TENM2: variants seen among roughly 807,000 people sequenced by gnomAD.
TENM2 encodes the protein teneurin transmembrane protein 2.
In TENM2, 52 loss-of-function variants were observed where a neutral mutation model predicts 245.2. The ratio of observed to expected loss-of-function variants is 0.21; its 90% CI spans 0.17 to 0.27. The LOEUF (loss-of-function observed/expected upper bound fraction) is 0.27. Among genes scored for constraint, TENM2 ranks in the 10% least tolerant of loss-of-function variants. The pLI is 1.00. For missense variants in TENM2, 3,046 were observed against 3,666.8 expected (o/e 0.83, Z 4.37); for synonymous variants, 1,363 against 1,438.9 (o/e 0.95, Z 1.19).
intron 2 of TENM2, among the ~76,000 whole-genome samples, chr5:167,845,265 AC>A (rs1769937083): frequency 1.5e-5 from 2 of 137,668 alleles, no homozygotes; most frequent in African/African-American, 2.8e-5. Flanking sequence ...ACACACACAC[AC>A]ACACACACAC....
intron 2 of TENM2, among the ~76,000 whole-genome samples, chr5:167,802,913 C>T (rs1246562273): frequency 6.6e-6 from 1 of 152,128 alleles, no homozygotes; most frequent in African/African-American, 2.4e-5. Context: ...CAAATCTTAA[C>T]TTGTGTGAGT....
At chr5:167,599,713 A>G (rs2127724825) in intron 2 of TENM2, among the ~76,000 whole-genome samples, 1 of 152,088 alleles carries the variant, frequency 6.6e-6, no homozygotes, top group East Asian at 1.9e-4. Flanking sequence ...TATTTGATTG[A>G]TTTTGTGTTG....
intron 2 of TENM2, among the ~76,000 whole-genome samples, chr5:167,737,809 T>A (rs1201706503): frequency 6.6e-6 from 1 of 152,214 alleles, no homozygotes; most frequent in Non-Finnish European, 1.5e-5. Flanking sequence ...GTTCTTTGTC[T>A]CACACTAGGA....
At chr5:167,285,039 G>A in exon 1 of TENM2, 1 of 1,552,116 alleles carries the variant, frequency 6.4e-7, no homozygotes, top group Non-Finnish European at 8.7e-7. Flanking sequence ...CATCCACCGG[G>A]AGTCAGATGA....
chr5:167,312,997 G>T (rs1251270888), intron 1 of TENM2, among the ~76,000 whole-genome samples: 5 of 151,038 alleles, frequency 3.3e-5, no homozygotes, highest in Admixed American at 3.3e-4. Context: ...CTGCTTCCTG[G>T]GTTCAAGCAA....
intron 12 of TENM2, among the ~76,000 whole-genome samples, chr5:168,147,185 G>A (rs1756168858): frequency 6.6e-6 from 1 of 152,172 alleles, no homozygotes; most frequent in Non-Finnish European, 1.5e-5. Flanking sequence ...TTCAGAGTTA[G>A]CGTTCTCGCA....
At chr5:167,770,506 G>A (rs1383109982) in intron 2 of TENM2, among the ~76,000 whole-genome samples, 1 of 152,114 alleles carries the variant, frequency 6.6e-6, no homozygotes, top group African/African-American at 2.4e-5. Flanking sequence ...ACTGATATTC[G>A]TTTTCCAATG....
At chr5:167,776,111 C>T (rs1303467104) in intron 2 of TENM2, among the ~76,000 whole-genome samples, 1 of 126,840 alleles carries the variant, frequency 7.9e-6, no homozygotes, top group Non-Finnish European at 1.6e-5. Flanking sequence ...AAGAAGCTTA[C>T]AAAATAATAT....
chr5:167,130,886 T>G, the TENM2 span, among the ~76,000 whole-genome samples: 1 of 142,422 alleles, frequency 7.0e-6, no homozygotes, highest in Admixed American at 7.0e-5. Flanking sequence ...CAGTGTTAAA[T>G]GCTTTTTTTT....
intron 13 of TENM2, among the ~76,000 whole-genome samples, chr5:168,167,922 C>T (rs1243259648): frequency 6.6e-6 from 1 of 152,218 alleles, no homozygotes; most frequent in Non-Finnish European, 1.5e-5. Flanking sequence ...GATGCCCTCA[C>T]ACGTTGGCTG....
rs186357790 is a variant in TENM2, at chr5:167,388,270, C to T, written c.502+12797C>T. Among the ~76,000 whole-genome samples the T allele has an allele frequency of 3.8e-3, 581 of 152,132 alleles. 8 individuals are homozygous for T. Among genetic ancestry groups the T allele is most frequent in the Non-Finnish European group, 3.1e-3 (210 of 67,976 alleles). On this transcript the variant is annotated intron_variant, in intron 2 of 28. Coordinates refer to ENST00000518659, the Ensembl canonical transcript of TENM2. The stretch of plus-strand genomic sequence containing the variant: ...GGTTGTACCATTCCAGGAATTTATC[C>T]GTCTCTTCTAGTTTTTCTAGTTTAT...
chr5:168,236,993 TATATATA>T (rs1356998798), intron 25 of TENM2, among the ~76,000 whole-genome samples: 8 of 4,798 alleles, frequency 1.7e-3, no homozygotes, highest in South Asian at 7.7e-3. Context: ...TATATATATA[TATATATA>T]TTTTTTTTTT....
chr5:168,225,204 A>G (rs1487677492), intron 23 of TENM2, among the ~76,000 whole-genome samples: 3 of 152,304 alleles, frequency 2.0e-5, no homozygotes, highest in East Asian at 3.9e-4. Flanking sequence ...AACAGGTTCC[A>G]TGCAGCCAGG....
chr5:167,799,909 C>A (rs180991496), intron 2 of TENM2, among the ~76,000 whole-genome samples: 386 of 152,298 alleles, frequency 2.5e-3, no homozygotes, highest in Non-Finnish European at 4.8e-3. Flanking sequence ...GGGGCCCATC[C>A]CCAGAAGTTC....
At position 167,778,213 on chromosome 5, in the gene TENM2, C is replaced by A. The variant is rs555436198; in HGVS notation, c.503-97773C>A. On this transcript the variant is annotated intron_variant, in intron 2 of 28. Transcript: ENST00000518659. The stretch of plus-strand genomic sequence containing the variant: ...TTTGAAGAGGTGGGAGGAAAGAAAA[C>A]CCTGAGATATGAATCCACATCATGG... Among the ~76,000 whole-genome samples the A allele has an allele frequency of 5.9e-5, 9 of 152,204 alleles. No homozygotes were observed. In the South Asian group the frequency reaches 1.9e-3, roughly 32 times the overall value.
At chr5:168,029,168 G>A (rs1041589098) in intron 5 of TENM2, among the ~76,000 whole-genome samples, 2 of 152,172 alleles carry the variant, frequency 1.3e-5, no homozygotes, top group South Asian at 2.1e-4. Context: ...CTATCTAGCT[G>A]TTTTATAGGG....
At chr5:167,480,571 C>T (rs1175129535) in intron 2 of TENM2, among the ~76,000 whole-genome samples, 1 of 152,116 alleles carries the variant, frequency 6.6e-6, no homozygotes, top group Non-Finnish European at 1.5e-5. Flanking sequence ...ATAACTTAGG[C>T]CTGGAAATCT....
intron 1 of TENM2, among the ~76,000 whole-genome samples, chr5:167,312,206 T>G (rs1251058627): frequency 6.6e-6 from 1 of 152,232 alleles, no homozygotes; most frequent in Non-Finnish European, 1.5e-5. Context: ...CAATAAAACA[T>G]GTACTTATAT....
At chr5:167,989,968 C>T (rs1388094519) in intron 4 of TENM2, among the ~76,000 whole-genome samples, 1 of 152,118 alleles carries the variant, frequency 6.6e-6, no homozygotes, top group African/African-American at 2.4e-5. Context: ...TTGGAGACTC[C>T]AGACCCATCA....
Sources: allele counts gnomAD v4.1 joint callset (sites outside exome capture counted in the v4.1 genomes callset), GRCh38; gene constraint gnomAD v4.1.1; transcripts MANE v1.5; gene names NCBI Gene and HGNC (gene_info 2026-07-23, HGNC 2026-07-21).